Variants in NINJ2 observed in about 807,000 individuals in gnomAD.
NINJ2 encodes ninjurin 2, also known as ninjurin-2.
NINJ2 carries 12 observed loss-of-function variants against 11.7 expected under a neutral mutation model. The ratio of observed to expected loss-of-function variants is 1.02; its 90% CI spans 0.66 to 1.66. The LOEUF (loss-of-function observed/expected upper bound fraction) is 1.66, where lower values mean the gene tolerates loss of function less well. Ranked by LOEUF, NINJ2 falls within the 40% of genes most tolerant of loss-of-function variation. The pLI is 0.00. For missense variants in NINJ2, 187 were observed against 181.8 expected, an observed-to-expected ratio of 1.03 and a Z score of -0.16; for synonymous variants, 93 against 76.8, an observed-to-expected ratio of 1.21 and a Z score of -1.10.
intron 1 of NINJ2, among the ~76,000 whole-genome samples, chr12:568,607 T>C (rs528853372): frequency 3.9e-5 from 6 of 152,280 alleles, no homozygotes; most frequent in South Asian, 4.1e-4. Context: ...ATCAAACATA[T>C]AGGAGTGGCT....
rs555855128 is a variant in NINJ2, at chr12:570,557, C to T, written c.34-4379G>A. Among the ~76,000 whole-genome samples, 10 of 152,346 alleles carry T rather than the reference C, an allele frequency of 6.6e-5. No homozygotes were observed. In the East Asian group the frequency reaches 1.9e-3, roughly 29 times the overall value. On this transcript the variant is annotated intron_variant, in intron 1 of 3. Coordinates refer to ENST00000305108, the MANE Select transcript of NINJ2 (RefSeq NM_016533.6). Reference sequence around the variant, plus strand: ...AGGAGCTGGCCCTTTAAGGCCAGGCCCAGGCGGGTCGGGAACAGAGACCCG... The same window carrying T: ...AGGAGCTGGCCCTTTAAGGCCAGGCTCAGGCGGGTCGGGAACAGAGACCCG...
intron 1 of NINJ2, among the ~76,000 whole-genome samples, chr12:627,807 A>G (rs565048086): frequency 1.3e-3 from 197 of 152,332 alleles, no homozygotes; most frequent in African/African-American, 4.5e-3. Context: ...CCCTGGGCAC[A>G]GTGGTGCATG....
chr12:646,333 C>T (rs527250133), intron 1 of NINJ2, among the ~76,000 whole-genome samples: 1 of 152,286 alleles, frequency 6.6e-6, no homozygotes, highest in Non-Finnish European at 1.5e-5. Flanking sequence ...CCTGAAAGCA[C>T]AGAGCTCTGC....
chr12:598,930 G>T (rs1351600079), intron 1 of NINJ2, among the ~76,000 whole-genome samples: 1 of 151,740 alleles, frequency 6.6e-6, no homozygotes, highest in African/African-American at 2.4e-5. Flanking sequence ...GAACTCCTGG[G>T]CTCAAGTGAT....
In NINJ2 at chr12:599,163, C is replaced by T. The variant is rs1947830520; in HGVS notation, c.34-32985G>A. Among the ~76,000 whole-genome samples, 2 of 151,828 alleles carry T rather than the reference C, an allele frequency of 1.3e-5. 1 individual carries two copies. Among genetic ancestry groups the T allele is most frequent in the Admixed American group, 1.3e-4 (2 of 15,238 alleles). ...TTGGGAGGCCGAGGCGGATGGATCA[C>T]CTGAGGTCAGGAGTTCGAGACCAGC... On this transcript the variant is annotated intron_variant, in intron 1 of 3. Transcript: ENST00000305108.
intron 1 of NINJ2, among the ~76,000 whole-genome samples, chr12:662,965 C>G (rs200501331): frequency 1.3e-5 from 2 of 152,092 alleles, no homozygotes; most frequent in African/African-American, 4.8e-5. Context: ...TTTCCTGTCT[C>G]CCCGGCAGCT....
chr12:608,370 C>T (rs1438252026), intron 1 of NINJ2, among the ~76,000 whole-genome samples: 3 of 152,192 alleles, frequency 2.0e-5, no homozygotes, highest in South Asian at 2.1e-4. Context: ...TGAATAATAG[C>T]GAACACTTAA....
At chr12:566,962 C>T (rs1947309057) in intron 1 of NINJ2, among the ~76,000 whole-genome samples, 1 of 152,202 alleles carries the variant, frequency 6.6e-6, no homozygotes, top group South Asian at 2.1e-4. Context: ...TCAGACTGGG[C>T]GCCATGACCA....
intron 1 of NINJ2, among the ~76,000 whole-genome samples, chr12:626,990 C>T (rs542752943): frequency 6.6e-5 from 10 of 152,106 alleles, no homozygotes; most frequent in Admixed American, 1.3e-4. Flanking sequence ...AAGGCTGAGA[C>T]GGAAAGGTTG....
chr12:584,242 G>GA (rs1436072999), intron 1 of NINJ2, among the ~76,000 whole-genome samples: 1 of 152,214 alleles, frequency 6.6e-6, no homozygotes, highest in African/African-American at 2.4e-5. Context: ...CAGGGATGGG[G>GA]AGAGAATCGT....
At chr12:569,544 G>A (rs974258442) in intron 1 of NINJ2, among the ~76,000 whole-genome samples, 2 of 152,176 alleles carry the variant, frequency 1.3e-5, no homozygotes, top group African/African-American at 2.4e-5. Context: ...AGCTCAGAGG[G>A]AGACAGACCC....
intron 1 of NINJ2, among the ~76,000 whole-genome samples, chr12:601,334 C>T (rs1427493472): frequency 1.4e-5 from 2 of 146,000 alleles, no homozygotes; most frequent in African/African-American, 5.1e-5. Flanking sequence ...ATCAGGAAGT[C>T]AGGAGATCGA....
chr12:654,365 AT>A (rs1937841363), intron 1 of NINJ2, among the ~76,000 whole-genome samples: 4 of 151,808 alleles, frequency 2.6e-5, no homozygotes, highest in African/African-American at 9.7e-5. Context: ...TACTAAAAAT[AT>A]AAAAATTAGC....
chr12:635,647 A>G (rs1249653130), intron 1 of NINJ2, among the ~76,000 whole-genome samples: 1 of 152,234 alleles, frequency 6.6e-6, no homozygotes, highest in Non-Finnish European at 1.5e-5. Flanking sequence ...AAACACGGGG[A>G]AAAATCTTCA....
At chr12:626,453 C>T (rs1948211160) in intron 1 of NINJ2, among the ~76,000 whole-genome samples, 1 of 152,230 alleles carries the variant, frequency 6.6e-6, no homozygotes, top group Non-Finnish European at 1.5e-5. Flanking sequence ...TTCTCTTCTT[C>T]TCTCTACCGC....
Position 631,819 on chromosome 12 carries a change from G to A in NINJ2, c.33+31509C>T, listed in dbSNP as rs138757288. On this transcript the variant is annotated intron_variant, in intron 1 of 3. Transcript: ENST00000305108. ...AGGTGAAAAACACAAAGCACAAAATGTTTCCAGGAAACTATCTGAAACTCC... is the reference window on the plus strand; with the variant it reads ...AGGTGAAAAACACAAAGCACAAAATATTTCCAGGAAACTATCTGAAACTCC... Among the ~76,000 whole-genome samples the A allele has an allele frequency of 2.6e-3, 393 of 152,302 alleles. 4 individuals are homozygous for A. The highest frequency in any genetic ancestry group is 9.2e-3 in the African/African-American group (382 of 41,564).
At chr12:593,820 A>AAGC (rs1260385127) in intron 1 of NINJ2, among the ~76,000 whole-genome samples, 1 of 151,990 alleles carries the variant, frequency 6.6e-6, no homozygotes, top group Non-Finnish European at 1.5e-5. Context: ...GAAGAAGAAG[A>AAGC]AGCAGCAGCA....
chr12:652,938 ACT>A (rs955809407), intron 1 of NINJ2, among the ~76,000 whole-genome samples: 11 of 150,184 alleles, frequency 7.3e-5, no homozygotes, highest in Non-Finnish European at 3.0e-5. Context: ...CAAGAGCAAA[ACT>A]CTGTCTCAAA....
rs1382911821 is a variant in NINJ2 at position 663,381 on chromosome 12, T to C, written c.-21A>G. ...TCCATCTCGCTGCCCTCAAGTCCCT[T>C]CACACGCACCGGGTGCCGGGAACAG... On this transcript the variant is annotated 5_prime_UTR_variant, in exon 1 of 4. Transcript: ENST00000305108. The C allele has an allele frequency of 1.2e-6, 2 of 1,614,146 alleles. No individual in the cohort carries two copies. The highest frequency in any genetic ancestry group is 1.7e-6 in the Non-Finnish European group (2 of 1,179,994).
Sources: allele counts gnomAD v4.1 joint callset (sites outside exome capture counted in the v4.1 genomes callset), GRCh38; gene constraint gnomAD v4.1.1; transcripts MANE v1.5; gene names NCBI Gene and HGNC (gene_info 2026-07-23, HGNC 2026-07-21).